Variants in ZWILCH observed in about 807,000 individuals in gnomAD.
ZWILCH encodes zwilch kinetochore protein, also known as protein zwilch homolog.
In ZWILCH, 74 loss-of-function variants were observed where a neutral mutation model predicts 79.9. The observed-to-expected ratio is 0.93, with a 90% confidence interval of 0.77 to 1.12. ZWILCH has a LOEUF of 1.12. ZWILCH is among the 50% of genes most tolerant of loss of function. ZWILCH has a pLI of 0.00. For synonymous variants in ZWILCH, 241 were observed against 228.2 expected, an observed-to-expected ratio of 1.06 and a Z score of -0.51; for missense variants, 694 against 687.5, an observed-to-expected ratio of 1.01 and a Z score of -0.11.
At chr15:66,515,811 G>T (rs977709275) in intron 4 of ZWILCH, among the ~76,000 whole-genome samples, 167 bp downstream of exon 4, 1 of 151,934 alleles carries the variant, frequency 6.6e-6, no homozygotes, top group African/African-American at 2.4e-5. Context: ...TATTTGATAG[G>T]TATCCCAAAT....
chr15:66,510,891 A>G (rs1894035308), intron 2 of ZWILCH, among the ~76,000 whole-genome samples: 1 of 152,160 alleles, frequency 6.6e-6, no homozygotes, highest in Non-Finnish European at 1.5e-5. Flanking sequence ...TATACCAGTC[A>G]TTGGATTTAG....
chr15:66,546,857 G>A (rs28711721), intron 18 of ZWILCH, 152 bp downstream of exon 18: 6 of 319,074 alleles, frequency 1.9e-5, no homozygotes, highest in Non-Finnish European at 2.9e-5. Flanking sequence ...TTATTGAGCA[G>A]TGCAACTCTT....
intron 4 of ZWILCH, among the ~76,000 whole-genome samples, chr15:66,518,098 C>T (rs1294783716): frequency 6.6e-6 from 1 of 152,000 alleles, no homozygotes; most frequent in African/African-American, 2.4e-5. Context: ...AACTTCCACT[C>T]CTGCTGAACC....
At chr15:66,521,520 G>T (rs769173500) in intron 7 of ZWILCH, among the ~76,000 whole-genome samples, 3 of 152,130 alleles carry the variant, frequency 2.0e-5, no homozygotes, top group Non-Finnish European at 2.9e-5. Flanking sequence ...TTTTGAGACA[G>T]AGTCTTACTC....
At chr15:66,539,159 T>C (rs1895114239) in intron 16 of ZWILCH, among the ~76,000 whole-genome samples, 1 of 152,026 alleles carries the variant, frequency 6.6e-6, no homozygotes, top group Non-Finnish European at 1.5e-5. Flanking sequence ...AACAAAAACG[T>C]AGTGCTTATC....
chr15:66,529,942 G>A (rs1894809303), intron 12 of ZWILCH, among the ~76,000 whole-genome samples: 1 of 152,112 alleles, frequency 6.6e-6, no homozygotes, highest in Non-Finnish European at 1.5e-5. Flanking sequence ...TCTCTAAAAA[G>A]CAATTTTGGT....
chr15:66,507,243 A>AT (rs1893862286), intron 1 of ZWILCH, among the ~76,000 whole-genome samples: 1 of 152,208 alleles, frequency 6.6e-6, no homozygotes, highest in South Asian at 2.1e-4. Context: ...GGGACCTCAG[A>AT]TCAATACCTG....
In ZWILCH at chr15:66,527,909, T is replaced by A. The variant is rs1239426088; in HGVS notation, c.966T>A (p.Val322=). ...FGDSTKKDTE[V]ETLKHDTAAV... ...ATTCTACAAAAAAAGACACTGAGGTTGAGGTAAGTGATTATTATCAGTTAG... is the reference window on the plus strand; with the variant it reads ...ATTCTACAAAAAAAGACACTGAGGTAGAGGTAAGTGATTATTATCAGTTAG... Residue 322 remains valine, a synonymous_variant, in exon 10 of 19, where the codon GTT becomes GTA. Coordinates refer to ENST00000307897, the MANE Select transcript of ZWILCH (RefSeq NM_017975.5). 4.4e-6 allele frequency: 7 copies of A among 1,597,856 alleles called. No homozygotes were observed. The highest frequency in any genetic ancestry group is 5.1e-6 in the Non-Finnish European group (6 of 1,175,930).
intron 7 of ZWILCH, among the ~76,000 whole-genome samples, chr15:66,523,026 T>C (rs1297249463): frequency 6.6e-6 from 1 of 152,198 alleles, no homozygotes; most frequent in African/African-American, 2.4e-5. Context: ...TTTCGCCCAG[T>C]TGGCCAGGCT....
chr15:66,536,023 A>G lies in ZWILCH; in HGVS notation c.1432A>G (p.Met478Val). ...HHILEILVSC[M>V]PFIKSQHELL... ...TATTCTAGAAATATTAGTCAGTTGC[A>G]TGCCTTTCATTAAATCTCAACATGA... Residue 478 changes from methionine (M) to valine (V), a missense_variant, in exon 15 of 19, where the codon ATG becomes GTG. Met to Val is a conservative substitution (Grantham distance 21). Coordinates refer to ENST00000307897, the MANE Select transcript of ZWILCH (RefSeq NM_017975.5). The G allele has an allele frequency of 1.2e-6, 2 of 1,612,694 alleles. No individual in the cohort carries two copies. The highest frequency in any genetic ancestry group is 1.7e-6 in the Non-Finnish European group (2 of 1,179,500).
At chr15:66,509,917 CTGTA>C (rs1893991404) in intron 2 of ZWILCH, among the ~76,000 whole-genome samples, 1 of 137,012 alleles carries the variant, frequency 7.3e-6, no homozygotes, top group African/African-American at 2.6e-5. Flanking sequence ...TGGCTCATGC[CTGTA>C]ATCGCAGCAC....
chr15:66,519,725 C>T (rs1894422578), intron 5 of ZWILCH, among the ~76,000 whole-genome samples: 1 of 152,176 alleles, frequency 6.6e-6, no homozygotes, highest in Admixed American at 6.5e-5. Context: ...ATCTCAAGAT[C>T]CACCCCCCTC....
chr15:66,539,303 TGAGGTAGGAGG>T, intron 16 of ZWILCH, among the ~76,000 whole-genome samples: 1 of 148,482 alleles, frequency 6.7e-6, no homozygotes, highest in Admixed American at 6.9e-5. Context: ...CTAGGGAGGC[TGAGGTAGGAGG>T]AATTTCCTAA....
chr15:66,533,084 C>CA, intron 14 of ZWILCH, 71 bp downstream of exon 14: 7 of 1,044,894 alleles, frequency 6.7e-6, no homozygotes, highest in Non-Finnish European at 9.8e-6. Flanking sequence ...TTATTAACTG[C>CA]CAATAATATG....
At chr15:66,508,974 C>G (rs1893927130) in intron 2 of ZWILCH, 82 bp downstream of exon 2, 2 of 1,071,778 alleles carry the variant, frequency 1.9e-6, no homozygotes, top group Non-Finnish European at 2.6e-6. Context: ...GAGTCATGCT[C>G]TGTTACCCAG....
intron 1 of ZWILCH, among the ~76,000 whole-genome samples, chr15:66,508,264 G>T (rs1203709132): frequency 6.6e-6 from 1 of 152,146 alleles, no homozygotes; most frequent in Admixed American, 6.5e-5. Context: ...TGAATTAAAG[G>T]ATAATAATTA....
intron 4 of ZWILCH, among the ~76,000 whole-genome samples, chr15:66,518,398 C>G (rs1246123014): frequency 6.7e-6 from 1 of 150,164 alleles, no homozygotes; most frequent in Non-Finnish European, 1.5e-5. Context: ...ACACCATTCT[C>G]ATCCTCCCAG....
intron 2 of ZWILCH, 148 bp from the exon 3 acceptor site, chr15:66,513,840 G>C: frequency 2.3e-6 from 1 of 434,854 alleles, no homozygotes; most frequent in Non-Finnish European, 4.1e-6. Flanking sequence ...CGAAGTGCTG[G>C]GATTACAGGC....
chr15:66,531,838 G>A (rs1273413448), intron 12 of ZWILCH, among the ~76,000 whole-genome samples: 2 of 152,096 alleles, frequency 1.3e-5, no homozygotes, highest in Non-Finnish European at 2.9e-5. Context: ...GGAGTCCGAC[G>A]CGGGCGGATC....
Sources: gnomAD v4.1 joint callset for allele counts (sites outside exome capture counted in the v4.1 genomes callset) on GRCh38, gnomAD v4.1.1 for gene constraint, MANE v1.5 for transcripts, NCBI Gene and HGNC (gene_info 2026-07-23, HGNC 2026-07-21) for gene names.